NTAQ1: variants seen among roughly 807,000 people sequenced by gnomAD.
The protein encoded by NTAQ1 is protein N-terminal glutamine amidohydrolase.
NTAQ1 carries 21 observed loss-of-function variants against 28.2 expected under a neutral mutation model. That is an observed-to-expected ratio of 0.74 (90% CI 0.53 to 1.07). NTAQ1 has a LOEUF of 1.07. Among genes scored for constraint, NTAQ1 ranks in the 50% least tolerant of loss-of-function variants. The probability of loss-of-function intolerance (pLI) is 0.00; values close to 1 mark genes in which losing one functional copy is unlikely to be tolerated. For synonymous variants in NTAQ1, 105 were observed against 90.0 expected, an observed-to-expected ratio of 1.17 and a Z score of -0.94; for missense variants, 264 against 256.6, an observed-to-expected ratio of 1.03 and a Z score of -0.20.
chr8:123,472,804 AGAG>A, downstream of NTAQ1, among the ~76,000 whole-genome samples: 1 of 152,232 alleles, frequency 6.6e-6, no homozygotes, highest in Non-Finnish European at 1.5e-5. Flanking sequence ...TTTCTGTGGA[AGAG>A]AAAGAGGCAG....
intron 3 of NTAQ1, among the ~76,000 whole-genome samples, chr8:123,435,821 T>C (rs935053395): frequency 2.7e-5 from 4 of 145,480 alleles, no homozygotes; most frequent in African/African-American, 5.1e-5. Flanking sequence ...GAGCTGAGAT[T>C]ATGCCACTGC....
chr8:123,470,045 A>T (rs1211393703), downstream of NTAQ1, among the ~76,000 whole-genome samples: 2 of 152,192 alleles, frequency 1.3e-5, no homozygotes, highest in Non-Finnish European at 1.5e-5. Flanking sequence ...GGTCCCCATG[A>T]TGGGATTAGT....
chr8:123,436,410 A>T (rs746110716), intron 3 of NTAQ1, 43 bp from the exon 4 acceptor site: 3 of 1,596,966 alleles, frequency 1.9e-6, no homozygotes, highest in Non-Finnish European at 2.6e-6. Context: ...GGATTTCATC[A>T]TTATGAAGTA....
intron 6 of NTAQ1, among the ~76,000 whole-genome samples, chr8:123,456,569 T>A (rs1815655919): frequency 6.6e-6 from 1 of 152,228 alleles, no homozygotes; most frequent in Non-Finnish European, 1.5e-5. Flanking sequence ...ATAAAGTATA[T>A]GTTTGGGCAC....
downstream of NTAQ1, among the ~76,000 whole-genome samples, chr8:123,470,123 G>A (rs183881439): frequency 4.1e-4 from 63 of 152,256 alleles, no homozygotes; most frequent in East Asian, 0.012. Context: ...CAGTAAGAAG[G>A]CAGCTATCTA....
downstream of NTAQ1, among the ~76,000 whole-genome samples, chr8:123,444,960 A>C (rs987539624): frequency 2.6e-5 from 4 of 152,098 alleles, no homozygotes; most frequent in Admixed American, 2.0e-4. Context: ...ATATTATTGG[A>C]GCTTTTAAGG....
exon 7 of NTAQ1, chr8:123,467,306 G>A (rs1041436192): frequency 6.6e-6 from 1 of 152,022 alleles, no homozygotes; most frequent in African/African-American, 2.4e-5. Flanking sequence ...AAACTGCTGG[G>A]ATTACAGGAA....
chr8:123,423,186 C>T (rs1012880582), intron 1 of NTAQ1, among the ~76,000 whole-genome samples: 2 of 151,872 alleles, frequency 1.3e-5, no homozygotes, highest in African/African-American at 4.8e-5. Context: ...TTCCACAACT[C>T]GCTTGCTCTT....
downstream of NTAQ1, among the ~76,000 whole-genome samples, chr8:123,446,427 C>T (rs1007328389): frequency 3.9e-5 from 6 of 152,230 alleles, no homozygotes; most frequent in Admixed American, 2.0e-4. Flanking sequence ...GCCTTTGTAG[C>T]CGAAAACAGC....
chr8:123,436,169 C>CA (rs34240319), intron 3 of NTAQ1, among the ~76,000 whole-genome samples: 26,111 of 85,566 alleles, frequency 0.31, 3,984 homozygotes, highest in Non-Finnish European at 0.34. Flanking sequence ...GACTCCATCT[C>CA]AAAAAAAAAA....
Position 123,416,837 on chromosome 8 carries a change from C to G in NTAQ1, c.-13C>G. 16 of 1,526,540 alleles carry G rather than the reference C, an allele frequency of 1.0e-5. 1 individual carries two copies. In the South Asian group the frequency reaches 2.0e-4, roughly 19 times the overall value. The allele number at this position is 1,526,540 out of a possible 1,614,324, so 94.6% of individuals were successfully genotyped here. ...TCTTCCTCCGGCCCGGGCCCTGGCC[C>G]AGCTAGCCGGCCATGGAAGGTAATG... On this transcript the variant is annotated 5_prime_UTR_variant, in exon 1 of 6. Transcript: ENST00000287387.
At chr8:123,439,366 G>A (rs1408637014) in intron 5 of NTAQ1, among the ~76,000 whole-genome samples, 2 of 136,006 alleles carry the variant, frequency 1.5e-5, no homozygotes, top group Admixed American at 7.6e-5. Flanking sequence ...TTTTTGAGAC[G>A]GAGTCTCACT....
At chr8:123,446,342 GT>G (rs1258520153), downstream of NTAQ1, among the ~76,000 whole-genome samples, 1 of 152,170 alleles carries the variant, frequency 6.6e-6, no homozygotes, top group Non-Finnish European at 1.5e-5. Context: ...GTTGGCAAAT[GT>G]TTTCTGTAAA....
chr8:123,418,309 G>A (rs1441361939), intron 1 of NTAQ1, among the ~76,000 whole-genome samples: 1 of 152,100 alleles, frequency 6.6e-6, no homozygotes, highest in Non-Finnish European at 1.5e-5. Flanking sequence ...AAATTAGCCA[G>A]GTGTGGTGGC....
intron 5 of NTAQ1, chr8:123,438,269 G>A: frequency 1.5e-6 from 1 of 687,734 alleles, no homozygotes; most frequent in Non-Finnish European, 2.7e-6. Context: ...CCACTTAGGG[G>A]TGAGATCATC....
chr8:123,418,617 T>C (rs186602367), intron 1 of NTAQ1, among the ~76,000 whole-genome samples: 72 of 152,036 alleles, frequency 4.7e-4, no homozygotes, highest in Non-Finnish European at 7.9e-4. Context: ...AAAAAGAGGG[T>C]GGGAGCTTTG....
At chr8:123,441,078 C>G (rs909775232) in intron 5 of NTAQ1, among the ~76,000 whole-genome samples, 3 of 152,162 alleles carry the variant, frequency 2.0e-5, no homozygotes, top group African/African-American at 7.2e-5. Flanking sequence ...CTCTGACTCT[C>G]TGTGTAGTCC....
At chr8:123,461,225 G>A (rs1280462033) in intron 6 of NTAQ1, among the ~76,000 whole-genome samples, 7 of 152,178 alleles carry the variant, frequency 4.6e-5, no homozygotes, top group Non-Finnish European at 7.4e-5. Context: ...TGGGCTAGAC[G>A]CTGCACCATC....
intron 6 of NTAQ1, among the ~76,000 whole-genome samples, chr8:123,458,250 T>TTTTC (rs1286783045): frequency 6.6e-6 from 1 of 151,198 alleles, no homozygotes; most frequent in East Asian, 1.9e-4. Flanking sequence ...TTTTTTTTTT[T>TTTTC]TTCAAACAAA....
Sources: gnomAD v4.1 joint callset for allele counts (sites outside exome capture counted in the v4.1 genomes callset) on GRCh38, gnomAD v4.1.1 for gene constraint, MANE v1.5 for transcripts, NCBI Gene and HGNC (gene_info 2026-07-23, HGNC 2026-07-21) for gene names.